The following NTRK1 variants were observed in gnomAD, a reference collection of about 807,000 sequenced individuals.
NTRK1 encodes the protein high affinity nerve growth factor receptor.
NTRK1 carries 62 observed loss-of-function variants against 86.8 expected under a neutral mutation model. That is an observed-to-expected ratio of 0.71 (90% CI 0.58 to 0.88). The LOEUF (loss-of-function observed/expected upper bound fraction) is 0.88, where lower values mean the gene tolerates loss of function less well. Among genes scored for constraint, NTRK1 ranks in the 40% least tolerant of loss-of-function variants. The probability of loss-of-function intolerance (pLI) is 0.00; values close to 1 mark genes in which losing one functional copy is unlikely to be tolerated. For missense variants in NTRK1, 967 were observed against 1,078.4 expected (o/e 0.90, Z 1.45); for synonymous variants, 469 against 456.6 (o/e 1.03, Z -0.35).
chr1:156,846,443 T>C, intron 2 of NTRK1: 1 of 1,229,416 alleles, frequency 8.1e-7, no homozygotes, highest in Non-Finnish European at 1.2e-6. Flanking sequence ...CCGGCTTCTC[T>C]ATTTCTGGTG....
Position 156,874,536 on chromosome 1 carries a change from T to C in NTRK1, c.1196-35T>C, listed in dbSNP as rs1647773348. Reference sequence around the variant, plus strand: ...GGGTTACTGGAGGCTACAGTGTGTGTCAAGGCTCACCCCTCCTGCCCTGTG... The same window carrying C: ...GGGTTACTGGAGGCTACAGTGTGTGCCAAGGCTCACCCCTCCTGCCCTGTG... On this transcript the variant is annotated intron_variant, in intron 9 of 16. Transcript: ENST00000524377. 3 of 1,612,644 alleles carry C rather than the reference T, an allele frequency of 1.9e-6. No individual in the cohort carries two copies. In the East Asian group the frequency reaches 6.7e-5, roughly 36 times the overall value.
At chr1:156,845,952 C>A (rs774581385) in intron 2 of NTRK1, 1 of 1,611,536 alleles carries the variant, frequency 6.2e-7, no homozygotes, top group Non-Finnish European at 8.5e-7. Context: ...CCCTGCGCAC[C>A]GCGGTGGCAG....
At chr1:156,853,195 C>T (rs1212617651) in intron 2 of NTRK1, among the ~76,000 whole-genome samples, 2 of 152,150 alleles carry the variant, frequency 1.3e-5, no homozygotes, top group African/African-American at 2.4e-5. Flanking sequence ...CACCCCCAAC[C>T]TCAACCTCCC....
intron 2 of NTRK1, chr1:156,848,863 C>A: frequency 6.5e-7 from 1 of 1,529,852 alleles, no homozygotes; most frequent in Non-Finnish European, 8.8e-7. Context: ...CCTGTGGTCC[C>A]GAAGAAATTG....
intron 2 of NTRK1, chr1:156,845,468 TCTGCAGCG>T (rs1654962233): frequency 6.6e-7 from 1 of 1,518,954 alleles, no homozygotes; most frequent in African/African-American, 1.4e-5. Flanking sequence ...CCCTGTGCCC[TCTGCAGCG>T]CGTACCGCCT....
chr1:156,856,156 T>A (rs1484904956), upstream of NTRK1, among the ~76,000 whole-genome samples: 1 of 152,124 alleles, frequency 6.6e-6, no homozygotes, highest in Admixed American at 6.5e-5. Context: ...TATATTAACA[T>A]AGATATTTAT....
chr1:156,820,283 G>C (rs1654148747), intron 1 of NTRK1, among the ~76,000 whole-genome samples: 1 of 152,162 alleles, frequency 6.6e-6, no homozygotes, highest in African/African-American at 2.4e-5. Context: ...GTCTCACTCT[G>C]TCACCAAGGC....
chr1:156,868,224 G>T lies in NTRK1; in HGVS notation c.549G>T (p.Leu183=), dbSNP rs756232321. The T allele has an allele frequency of 3.6e-5, 58 of 1,611,644 alleles. No homozygotes were observed. The highest frequency in any genetic ancestry group is 4.7e-5 in the Non-Finnish European group (56 of 1,180,036). ...TGCAGTGTCATGGGCAAGGGCCCCT[G>T]GCCCACATGCCCAATGCCAGCTGTG... ...QKLQCHGQGP[L]AHMPNASCGV... The change falls in exon 5 of 17, where the codon CTG becomes CTT. Residue 183 remains leucine, a synonymous_variant. Coordinates refer to ENST00000524377, the MANE Select transcript of NTRK1 (RefSeq NM_002529.4).
At chr1:156,821,866 C>T (rs550514770) in intron 1 of NTRK1, among the ~76,000 whole-genome samples, 4 of 152,236 alleles carry the variant, frequency 2.6e-5, no homozygotes, top group South Asian at 2.1e-4. Flanking sequence ...CTATAGGAAC[C>T]GACATAGAGG....
At chr1:156,849,504 A>AGGGGGGGGGGGGGGGGGCG in intron 2 of NTRK1, 1 of 243,718 alleles carries the variant, frequency 4.1e-6, no homozygotes, top group Admixed American at 5.1e-5. Context: ...AGGTGGGGGC[A>AGGGGGGGGGGGGGGGGGCG]GGGGGTGGGA....
At position 156,876,570 on chromosome 1, in the gene NTRK1, C is replaced by G. The variant is rs146129485; in HGVS notation, c.1803C>G (p.Leu601=). The G allele has an allele frequency of 1.9e-4, 300 of 1,611,350 alleles. 3 individuals carry two copies. The highest frequency in any genetic ancestry group is 1.4e-3 in the Middle Eastern group (8 of 5,888). Residue 601 remains leucine (L), a splice_region_variant and synonymous_variant, in exon 14 of 17, where the codon CTC becomes CTG. Transcript: ENST00000524377. The stretch of plus-strand genomic sequence containing the variant: ...GGCACGGGGACCTCAACCGCTTCCT[C>G]CGGTACCAGCACCTGGCCTCAGCGC... The part of the protein sequence containing the change: ...YMRHGDLNRF[L]RSHGPDAKLL...
At chr1:156,862,169 A>G (rs937076414) in intron 1 of NTRK1, among the ~76,000 whole-genome samples, 2 of 152,090 alleles carry the variant, frequency 1.3e-5, no homozygotes, top group Non-Finnish European at 2.9e-5. Flanking sequence ...GAGGATCATC[A>G]CTGTCTGGAA....
chr1:156,861,165 G>GT lies in NTRK1; in HGVS notation c.212+20dup, dbSNP rs771932194. 86 of 1,542,890 alleles carry GT rather than the reference G, an allele frequency of 5.6e-5. No homozygotes were observed. Among genetic ancestry groups the GT allele is most frequent in the Non-Finnish European group, 7.1e-5 (82 of 1,148,622 alleles). Reference sequence around the variant, plus strand: ...CTGAGCTGTGAGTGTCCGGCGGGCGGTGGGGGGGCGCGGGGACAGGCAGGC... The same window carrying GT: ...CTGAGCTGTGAGTGTCCGGCGGGCGGTTGGGGGGGCGCGGGGACAGGCAGGC... On this transcript the variant is annotated intron_variant, in intron 1 of 16. Coordinates refer to ENST00000524377, the MANE Select transcript of NTRK1 (RefSeq NM_002529.4).
At chr1:156,845,810 C>A (rs750467464) in intron 2 of NTRK1, 1 of 1,612,208 alleles carries the variant, frequency 6.2e-7, no homozygotes, top group East Asian at 2.2e-5. Context: ...TGGGCAGCCG[C>A]AAGCCTGGCG....
intron 2 of NTRK1, chr1:156,849,485 T>TGG: frequency 9.7e-7 from 1 of 1,033,962 alleles, no homozygotes; most frequent in Non-Finnish European, 1.4e-6. Flanking sequence ...GGGACCTTGC[T>TGG]CTGCGGGGAG....
chr1:156,841,881 CT>C lies in NTRK1; in HGVS notation c.-63-199del, dbSNP rs1319843585. 5 of 1,607,020 alleles carry C rather than the reference CT, an allele frequency of 3.1e-6. No homozygotes were observed. The East Asian group carries it at 6.7e-5, about 22-fold the overall frequency. ...CCCCTGGGATACCTCTCCCAATCTT[CT>C]CATCCTCCAGAGTCACCAAGAACCC... On this transcript the variant is annotated intron_variant, in intron 1 of 16. Coordinates refer to the NTRK1 transcript ENST00000392302.
chr1:156,878,728 T>A (rs1648068852), intron 14 of NTRK1, among the ~76,000 whole-genome samples: 1 of 151,948 alleles, frequency 6.6e-6, no homozygotes, highest in Admixed American at 6.5e-5. Flanking sequence ...ACTCCCTGGT[T>A]TCAGGGTCTG....
intron 16 of NTRK1, 162 bp downstream of exon 16, chr1:156,880,319 T>A: frequency 2.8e-6 from 2 of 710,694 alleles, no homozygotes; most frequent in Non-Finnish European, 4.7e-6. Flanking sequence ...ACTGTGGCCC[T>A]TTTCTTCTCT....
intron 2 of NTRK1, chr1:156,848,891 C>T (rs1655102626): frequency 1.3e-6 from 2 of 1,548,672 alleles, no homozygotes; most frequent in East Asian, 4.9e-5. Flanking sequence ...CCGGTCCCGC[C>T]CCCGCTCCGG....
Sources: allele counts gnomAD v4.1 joint callset (sites outside exome capture counted in the v4.1 genomes callset), GRCh38; gene constraint gnomAD v4.1.1; transcripts MANE v1.5; gene names NCBI Gene and HGNC (gene_info 2026-07-23, HGNC 2026-07-21).